Variants in SLC39A11 observed in about 807,000 individuals in gnomAD.
SLC39A11 encodes the protein zinc transporter ZIP11.
Under a neutral mutation model 36.1 loss-of-function variants are expected in SLC39A11, and 33 were observed. The observed-to-expected ratio is 0.91, with a 90% CI of 0.69 to 1.22. SLC39A11 has a LOEUF of 1.22. SLC39A11 is among the 50% of genes most tolerant of loss of function. SLC39A11 has a pLI of 0.00. For missense variants in SLC39A11, 432 were observed against 430.3 expected (o/e 1.00, Z -0.03); for synonymous variants, 166 against 170.3 (o/e 0.97, Z 0.20).
intron 6 of SLC39A11, among the ~76,000 whole-genome samples, chr17:72,772,841 T>G (rs2144728901): frequency 6.6e-6 from 1 of 152,244 alleles, no homozygotes; most frequent in East Asian, 1.9e-4. Context: ...CCCAGCACTT[T>G]GGGAGGCCAA....
chr17:72,986,568 G>C (rs541878466), intron 4 of SLC39A11, among the ~76,000 whole-genome samples: 4 of 152,278 alleles, frequency 2.6e-5, no homozygotes, highest in Non-Finnish European at 5.9e-5. Flanking sequence ...TAGCCCGAGG[G>C]GGCTCCATGG....
chr17:72,683,526 G>A (rs2071602087), intron 7 of SLC39A11, among the ~76,000 whole-genome samples: 1 of 151,710 alleles, frequency 6.6e-6, no homozygotes, highest in Non-Finnish European at 1.5e-5. Flanking sequence ...TGTAGAGCCA[G>A]GGGTCTCACT....
At chr17:72,900,541 G>A (rs2082340690) in intron 5 of SLC39A11, among the ~76,000 whole-genome samples, 1 of 152,142 alleles carries the variant, frequency 6.6e-6, no homozygotes, top group Non-Finnish European at 1.5e-5. Flanking sequence ...GAAGTCTATG[G>A]TTAGGTCCTT....
chr17:72,800,213 A>C (rs2077037150), intron 6 of SLC39A11, among the ~76,000 whole-genome samples: 1 of 152,130 alleles, frequency 6.6e-6, no homozygotes. Context: ...GATACTTCAA[A>C]GTGGAAGCCA....
At position 72,979,125 on chromosome 17, in the gene SLC39A11, A is replaced by G. The variant is rs376134859; in HGVS notation, c.307-31250T>C. On this transcript the variant is annotated intron_variant, in intron 4 of 9. Coordinates refer to ENST00000255559, the MANE Select transcript of SLC39A11 (RefSeq NM_139177.4). Reference sequence around the variant, plus strand: ...GTTTCCCCCATGCTGTTCTCGTGATAGTGAGTGAGTTCTCACGAGATCTGA... The same window carrying G: ...GTTTCCCCCATGCTGTTCTCGTGATGGTGAGTGAGTTCTCACGAGATCTGA... Among the ~76,000 whole-genome samples, 8 of 152,208 alleles carry G rather than the reference A, an allele frequency of 5.3e-5. No individual in the cohort carries two copies. In the East Asian group the frequency reaches 5.8e-4, roughly 11 times the overall value.
In SLC39A11 at chr17:72,940,402, C is replaced by T. The variant is rs562917005; in HGVS notation, c.430+7350G>A. On this transcript the variant is annotated intron_variant, in intron 5 of 9. Coordinates refer to ENST00000255559, the MANE Select transcript of SLC39A11 (RefSeq NM_139177.4). ...GTGATTCTCCTGCCTTAGCCTCCCA[C>T]GTAGCTGGGATTACAGGCATGTGCC... 2.3e-4 allele frequency among the ~76,000 whole-genome samples: 35 copies of T among 152,104 alleles called. 1 individual carries two copies. In the South Asian group the frequency reaches 4.2e-3, roughly 18 times the overall value.
rs1344168200 is a variant in SLC39A11 at position 72,658,763 on chromosome 17, C to G, written c.672-9495G>C. On this transcript the variant is annotated intron_variant, in intron 7 of 9. Transcript: ENST00000255559. ...CCAGTGCAAGCTACAGATCACTCAGCCTTTCCTTTAACTGAAAAATGGGCA... is the reference window on the plus strand; with the variant it reads ...CCAGTGCAAGCTACAGATCACTCAGGCTTTCCTTTAACTGAAAAATGGGCA... Among the ~76,000 whole-genome samples, 3 of 152,130 alleles carry G rather than the reference C, an allele frequency of 2.0e-5. No individual in the cohort carries two copies. In the South Asian group the frequency reaches 6.2e-4, roughly 32 times the overall value.
chr17:72,997,937 T>C (rs2089611990), intron 4 of SLC39A11, among the ~76,000 whole-genome samples: 1 of 152,192 alleles, frequency 6.6e-6, no homozygotes, highest in African/African-American at 2.4e-5. Context: ...ATGCTTCCTT[T>C]AGATGAAAAG....
intron 5 of SLC39A11, among the ~76,000 whole-genome samples, chr17:72,865,454 G>A (rs1216109156): frequency 6.7e-6 from 1 of 148,246 alleles, no homozygotes; most frequent in Non-Finnish European, 1.5e-5. Flanking sequence ...CCTTGCAAAG[G>A]TCAGGGTATG....
chr17:73,059,265 C>A (rs1827019623), intron 3 of SLC39A11, among the ~76,000 whole-genome samples: 1 of 152,182 alleles, frequency 6.6e-6, no homozygotes, highest in Non-Finnish European at 1.5e-5. Context: ...AATGTATATT[C>A]ATGAAATGTT....
chr17:72,660,373 A>G (rs1426800445), intron 7 of SLC39A11, among the ~76,000 whole-genome samples: 1 of 152,204 alleles, frequency 6.6e-6, no homozygotes, highest in Non-Finnish European at 1.5e-5. Context: ...ATTACATGTA[A>G]CAACATGCCT....
At position 73,031,480 on chromosome 17, in the gene SLC39A11, G is replaced by C. The variant is rs2058736032; in HGVS notation, c.306+76C>G. The C allele has an allele frequency of 5.3e-6, 8 of 1,518,764 alleles. No individual in the cohort carries two copies. The Admixed American group carries it at 1.4e-4, about 27-fold the overall frequency. The allele number at this position is 1,518,764 out of a possible 1,614,324, so 94.1% of individuals were successfully genotyped here. ...ACAGAGACATTAACAGGTATGTCAG[G>C]TTTGATCAGAAATAAATTCATTGCA... On this transcript the variant is annotated intron_variant, in intron 4 of 9. Transcript: ENST00000255559.
At chr17:73,056,162 G>T (rs538539817) in intron 3 of SLC39A11, among the ~76,000 whole-genome samples, 7 of 151,258 alleles carry the variant, frequency 4.6e-5, no homozygotes, top group Admixed American at 4.0e-4. Context: ...TTGGACTCTG[G>T]TTTTTTGTTT....
intron 5 of SLC39A11, among the ~76,000 whole-genome samples, chr17:72,900,155 A>AG (rs1212804730): frequency 1.4e-4 from 4 of 28,206 alleles, no homozygotes; most frequent in East Asian, 5.1e-4. Context: ...AAAGAAAGAA[A>AG]AGAAAGAAAG....
chr17:72,696,700 A>G (rs2072319632), intron 7 of SLC39A11, among the ~76,000 whole-genome samples: 1 of 152,236 alleles, frequency 6.6e-6, no homozygotes, highest in South Asian at 2.1e-4. Flanking sequence ...GTATCCACAC[A>G]GACCTACTCA....
chr17:72,992,919 G>A (rs9915416), intron 4 of SLC39A11: 38,447 of 152,086 alleles, frequency 0.25, 5,227 homozygotes, highest in East Asian at 0.41. Context: ...AGGCCTCACA[G>A]TCATGGCAGA....
chr17:72,808,343 C>T (rs1301362074), intron 6 of SLC39A11, among the ~76,000 whole-genome samples: 1 of 152,208 alleles, frequency 6.6e-6, no homozygotes, highest in East Asian at 1.9e-4. Context: ...TGGCTTCTAG[C>T]CCTGCAGGTG....
intron 5 of SLC39A11, among the ~76,000 whole-genome samples, chr17:72,927,901 GA>G (rs1421673409): frequency 3.9e-5 from 6 of 151,996 alleles, no homozygotes; most frequent in African/African-American, 1.4e-4. Context: ...AAATATTCAT[GA>G]AAAGGGAACA....
rs1258312517 is a variant in SLC39A11, at chr17:73,004,211, G to GA, written c.306+27344dup. 6.8e-4 allele frequency among the ~76,000 whole-genome samples: 86 copies of GA among 127,060 alleles called. 3 individuals are homozygous for GA. Among genetic ancestry groups the GA allele is most frequent in the African/African-American group, 2.4e-3 (83 of 34,374 alleles). 83.4% of individuals were successfully genotyped at this position (127,060 alleles called of 152,430 possible). A position where few individuals can be genotyped will look rare whatever the true frequency, so the allele number is the denominator to read the frequency against. Reference sequence around the variant, plus strand: ...AGAAAGAAAGAAAGAAAGAAAGAAAGAAAGAAAGAAAGAAAGAAAGAAAAG... The same window carrying GA: ...AGAAAGAAAGAAAGAAAGAAAGAAAGAAAAGAAAGAAAGAAAGAAAGAAAAG... On this transcript the variant is annotated intron_variant, in intron 4 of 9. Coordinates refer to ENST00000255559, the MANE Select transcript of SLC39A11 (RefSeq NM_139177.4).
Sources: allele counts gnomAD v4.1 joint callset (sites outside exome capture counted in the v4.1 genomes callset), GRCh38; gene constraint gnomAD v4.1.1; transcripts MANE v1.5; gene names NCBI Gene and HGNC (gene_info 2026-07-23, HGNC 2026-07-21).